Variants in ARHGEF28 observed in about 807,000 individuals in gnomAD.
ARHGEF28 encodes 190 kDa guanine nucleotide exchange factor.
A neutral mutation model predicts 206.6 loss-of-function variants in ARHGEF28; 152 were observed. That is an observed-to-expected ratio of 0.74 (90% CI 0.64 to 0.84). The LOEUF is 0.84. Ranked by LOEUF, ARHGEF28 falls within the 40% of genes least tolerant of loss-of-function variation. The pLI, the probability that ARHGEF28 is intolerant of heterozygous loss-of-function variation, is 0.00. For synonymous variants in ARHGEF28, 763 were observed against 776.4 expected (o/e 0.98, Z 0.29); for missense variants, 2,028 against 2,073.2 (o/e 0.98, Z 0.42).
intron 1 of ARHGEF28, among the ~76,000 whole-genome samples, chr5:73,674,478 C>T (rs1258711682): frequency 6.6e-6 from 1 of 152,180 alleles, no homozygotes; most frequent in East Asian, 1.9e-4. Context: ...TGCGAGGTCC[C>T]CTTATCTGAG....
At chr5:73,679,327 G>A (rs569133207) in intron 1 of ARHGEF28, among the ~76,000 whole-genome samples, 2 of 152,314 alleles carry the variant, frequency 1.3e-5, no homozygotes, top group African/African-American at 2.4e-5. Flanking sequence ...GGCACTTTGG[G>A]AGGCCAAGGC....
In ARHGEF28 at chr5:73,909,613, C is replaced by T; in HGVS notation, c.4363C>T (p.Leu1455=). Reference sequence around the variant, plus strand: ...GCTCCAGCAGGAGCAGCGGCGCTGGCTGCGCAGGTGTGAGCAGCAGCAGCG... The same window carrying T: ...GCTCCAGCAGGAGCAGCGGCGCTGGTTGCGCAGGTGTGAGCAGCAGCAGCG... ...HQLQQEQRRW[L]RRCEQQQRAQ... Residue 1455 remains leucine (L), a synonymous_variant, in exon 34 of 36, where the codon CTG becomes TTG. Coordinates refer to ENST00000513042, the MANE Select transcript of ARHGEF28 (RefSeq NM_001177693.2). 6.4e-7 allele frequency: 1 copy of T among 1,552,742 alleles called. No individual in the cohort carries two copies. Among genetic ancestry groups the T allele is most frequent in the Non-Finnish European group, 8.7e-7 (1 of 1,148,370 alleles).
At chr5:73,745,056 T>G (rs1261580508) in intron 2 of ARHGEF28, among the ~76,000 whole-genome samples, 1 of 152,084 alleles carries the variant, frequency 6.6e-6, no homozygotes, top group East Asian at 1.9e-4. Context: ...TATAAAAAGA[T>G]GTATCCTTTT....
At chr5:73,929,892 A>G (rs1383106753) in intron 35 of ARHGEF28, among the ~76,000 whole-genome samples, 4 of 152,178 alleles carry the variant, frequency 2.6e-5, no homozygotes, top group Non-Finnish European at 5.9e-5. Context: ...TAACGCTTAT[A>G]TAGCTATTTA....
chr5:73,683,029 G>T (rs547472017), intron 1 of ARHGEF28, among the ~76,000 whole-genome samples: 1 of 152,052 alleles, frequency 6.6e-6, no homozygotes, highest in Non-Finnish European at 1.5e-5. Flanking sequence ...CTTGAGGGCT[G>T]GACCACTTTC....
At chr5:73,710,861 G>A (rs1002261048) in intron 2 of ARHGEF28, among the ~76,000 whole-genome samples, 3 of 152,086 alleles carry the variant, frequency 2.0e-5, no homozygotes, top group African/African-American at 7.2e-5. Flanking sequence ...TACCACCCAT[G>A]CCTGGCTACT....
At position 73,892,138 on chromosome 5, in the gene ARHGEF28, T is replaced by C. The variant is rs967002692; in HGVS notation, c.3474T>C (p.Ala1158=). 6.3e-7 allele frequency: 1 copy of C among 1,589,618 alleles called. No individual in the cohort carries two copies. The highest frequency in any genetic ancestry group is 8.6e-7 in the Non-Finnish European group (1 of 1,166,758). The part of the protein sequence containing the change: ...NEERGMFLIS[A]SSAGPEMYEI... ...AGAGAGGAATGTTTCTGATCAGTGC[T>C]TCATCTGCTGGTCCTGAGATGTATG... Residue 1158 remains alanine (A), a synonymous_variant, in exon 27 of 36, where the codon GCT becomes GCC. Coordinates refer to ENST00000513042, the MANE Select transcript of ARHGEF28 (RefSeq NM_001177693.2).
intron 9 of ARHGEF28, among the ~76,000 whole-genome samples, chr5:73,798,331 T>C (rs909536023): frequency 2.0e-5 from 3 of 150,548 alleles, no homozygotes; most frequent in African/African-American, 7.4e-5. Context: ...ATTCTTTCCA[T>C]TTTTTTTTGT....
intron 13 of ARHGEF28, among the ~76,000 whole-genome samples, chr5:73,852,089 C>T (rs1243771374): frequency 6.6e-6 from 1 of 152,124 alleles, no homozygotes; most frequent in Non-Finnish European, 1.5e-5. Flanking sequence ...TTGCATGAAC[C>T]TCCCTTCTGG....
chr5:73,817,641 C>A (rs549645178), intron 9 of ARHGEF28, among the ~76,000 whole-genome samples: 1 of 152,210 alleles, frequency 6.6e-6, no homozygotes, highest in East Asian at 1.9e-4. Flanking sequence ...TGTAGAAGAC[C>A]TGTATGTTAG....
intron 1 of ARHGEF28, among the ~76,000 whole-genome samples, chr5:73,654,610 G>T (rs1745059336): frequency 1.3e-5 from 2 of 152,196 alleles, no homozygotes; most frequent in South Asian, 4.1e-4. Context: ...ATTAGCAGAT[G>T]GGGATTAGAA....
intron 35 of ARHGEF28, among the ~76,000 whole-genome samples, chr5:73,913,632 G>A (rs914965115): frequency 3.3e-5 from 5 of 152,186 alleles, no homozygotes; most frequent in Admixed American, 2.0e-4. Flanking sequence ...GCTCCAGGGT[G>A]TGCTGGGTGG....
rs1473844703 is a variant in ARHGEF28, at chr5:73,909,900, A to G, written c.4647+3A>G. On this transcript the variant is annotated splice_donor_region_variant and intron_variant, in intron 34 of 35. Transcript: ENST00000513042. Reference sequence around the variant, plus strand: ...TGCTCCTTCCGGGTGGCCCCGAGGTATGGACCTTCTGCGGTGCTGTGAGGC... The same window carrying G: ...TGCTCCTTCCGGGTGGCCCCGAGGTGTGGACCTTCTGCGGTGCTGTGAGGC... 4 of 1,499,296 alleles carry G rather than the reference A, an allele frequency of 2.7e-6. No individual in the cohort carries two copies. Among genetic ancestry groups the G allele is most frequent in the Middle Eastern group, 2.4e-4 (1 of 4,204 alleles). 92.9% of individuals were successfully genotyped at this position (1,499,296 alleles called of 1,614,324 possible).
intron 9 of ARHGEF28, among the ~76,000 whole-genome samples, chr5:73,802,101 C>T (rs1468775096): frequency 6.6e-6 from 1 of 152,178 alleles, no homozygotes; most frequent in African/African-American, 2.4e-5. Context: ...ATTAGGTTCA[C>T]AGATTTTCAA....
At chr5:73,914,683 C>T (rs892085654) in intron 35 of ARHGEF28, among the ~76,000 whole-genome samples, 1 of 152,112 alleles carries the variant, frequency 6.6e-6, no homozygotes, top group Non-Finnish European at 1.5e-5. Flanking sequence ...AGGCTTAAGG[C>T]ACCACACCCG....
At chr5:73,806,880 A>ATT (rs965623730) in intron 9 of ARHGEF28, among the ~76,000 whole-genome samples, 2 of 146,846 alleles carry the variant, frequency 1.4e-5, no homozygotes, top group African/African-American at 5.0e-5. Context: ...TATTGTATAT[A>ATT]TTTATATATA....
rs572921746 is a variant in ARHGEF28, at chr5:73,722,004, A to G, written c.34-27833A>G. Among the ~76,000 whole-genome samples the G allele has an allele frequency of 8.5e-5, 13 of 152,294 alleles. No individual in the cohort carries two copies. In the South Asian group the frequency reaches 1.7e-3, roughly 19 times the overall value. ...ATTTCTTTGCAGGTTTAGGCACACAATATCTAATGAGTATATCTGGGAGCC... is the reference window on the plus strand; with the variant it reads ...ATTTCTTTGCAGGTTTAGGCACACAGTATCTAATGAGTATATCTGGGAGCC... On this transcript the variant is annotated intron_variant, in intron 2 of 35. Coordinates refer to ENST00000513042, the MANE Select transcript of ARHGEF28 (RefSeq NM_001177693.2).
At chr5:73,734,736 T>C (rs1235810523) in intron 2 of ARHGEF28, among the ~76,000 whole-genome samples, 1 of 152,212 alleles carries the variant, frequency 6.6e-6, no homozygotes, top group East Asian at 1.9e-4. Context: ...ATGCAAGAAC[T>C]GATACCACTT....
At chr5:73,795,442 T>A in intron 9 of ARHGEF28, 51 bp downstream of exon 9, 1 of 1,482,048 alleles carries the variant, frequency 6.7e-7, no homozygotes, top group Non-Finnish European at 9.3e-7. Context: ...CAGATCCAGG[T>A]TTAGAGTGGA....
Sources: allele counts gnomAD v4.1 joint callset (sites outside exome capture counted in the v4.1 genomes callset), GRCh38; gene constraint gnomAD v4.1.1; transcripts MANE v1.5; gene names NCBI Gene and HGNC (gene_info 2026-07-23, HGNC 2026-07-21).